NEK10: variants seen among roughly 807,000 people sequenced by gnomAD.
The protein encoded by NEK10 is serine/threonine-protein kinase Nek10.
In NEK10, 122 loss-of-function variants were observed where a neutral mutation model predicts 159.8. That is an observed-to-expected ratio of 0.76 (90% CI 0.66 to 0.89). NEK10 has a LOEUF of 0.89. Ranked by LOEUF, NEK10 falls within the 40% of genes least tolerant of loss-of-function variation. NEK10 has a pLI of 0.00. For missense variants in NEK10, 1,342 were observed against 1,323.1 expected (o/e 1.01, Z -0.22); for synonymous variants, 466 against 457.1 (o/e 1.02, Z -0.25).
chr3:27,116,775 T>C lies in NEK10; in HGVS notation c.3191-648A>G, dbSNP rs940092229. On this transcript the variant is annotated intron_variant, in intron 33 of 35. Transcript: ENST00000691995. ...ACAGCCTTCCAACGTCTGTACATTA[T>C]AAGCATGTGCCACCATGGCTGGCCA... Among the ~76,000 whole-genome samples the C allele has an allele frequency of 2.0e-5, 3 of 152,106 alleles. No individual in the cohort carries two copies. The East Asian group carries it at 5.8e-4, about 29-fold the overall frequency.
intron 5 of NEK10, among the ~76,000 whole-genome samples, chr3:27,325,745 T>G (rs2045957134): frequency 6.6e-6 from 1 of 152,060 alleles, no homozygotes; most frequent in Non-Finnish European, 1.5e-5. Flanking sequence ...TACTCCTGAG[T>G]GCTCATTATA....
chr3:27,256,056 A>G (rs1404624543), intron 23 of NEK10, among the ~76,000 whole-genome samples: 1 of 152,218 alleles, frequency 6.6e-6, no homozygotes, highest in Admixed American at 6.5e-5. Context: ...TTTACAATTG[A>G]TATAAGTAAT....
rs1210259445 is a variant in NEK10 at position 27,326,320 on chromosome 3, A to G, written c.363-4059T>C. ...AGATACTACATCCCAAAGATCTAACAGAAGTAATGATCAGGTTGCAACAGC... is the reference window on the plus strand; with the variant it reads ...AGATACTACATCCCAAAGATCTAACGGAAGTAATGATCAGGTTGCAACAGC... On this transcript the variant is annotated intron_variant, in intron 5 of 35. Coordinates refer to ENST00000691995, the MANE Select transcript of NEK10 (RefSeq NM_001394966.1). Among the ~76,000 whole-genome samples, 3 of 152,204 alleles carry G rather than the reference A, an allele frequency of 2.0e-5. No individual in the cohort carries two copies. The East Asian group carries it at 5.8e-4, about 29-fold the overall frequency.
intron 6 of NEK10, among the ~76,000 whole-genome samples, chr3:27,315,887 G>A (rs1287620004): frequency 2.0e-5 from 3 of 152,232 alleles, no homozygotes; most frequent in Non-Finnish European, 4.4e-5. Flanking sequence ...ATGGGGACTG[G>A]AAGGATGGAT....
At chr3:27,231,390 A>G (rs1953249177) in intron 23 of NEK10, among the ~76,000 whole-genome samples, 1 of 152,072 alleles carries the variant, frequency 6.6e-6, no homozygotes, top group African/African-American at 2.4e-5. Context: ...CCTATATCAA[A>G]AAGTCTGAAA....
intron 5 of NEK10, among the ~76,000 whole-genome samples, chr3:27,337,929 C>A (rs921104617): frequency 3.3e-5 from 5 of 151,960 alleles, no homozygotes; most frequent in African/African-American, 1.2e-4. Flanking sequence ...GTTTTGATTG[C>A]TAGTTTTTAA....
intron 22 of NEK10, among the ~76,000 whole-genome samples, chr3:27,265,890 T>C (rs1188585086): frequency 6.7e-6 from 1 of 150,074 alleles, no homozygotes; most frequent in African/African-American, 2.5e-5. Flanking sequence ...TACTGCAAGC[T>C]CCGCCTCCTG....
intron 23 of NEK10, among the ~76,000 whole-genome samples, chr3:27,229,824 G>T (rs1368685706): frequency 6.6e-6 from 1 of 151,740 alleles, no homozygotes; most frequent in Non-Finnish European, 1.5e-5. Context: ...CAAAGATAAA[G>T]AAAAAAGACT....
chr3:27,226,831 C>T (rs1026289468), intron 23 of NEK10, among the ~76,000 whole-genome samples: 1 of 152,074 alleles, frequency 6.6e-6, no homozygotes, highest in African/African-American at 2.4e-5. Context: ...ATCAGTTATA[C>T]CACAAAATAA....
intron 23 of NEK10, among the ~76,000 whole-genome samples, chr3:27,228,602 T>G (rs1952884303): frequency 6.6e-6 from 1 of 152,116 alleles, no homozygotes; most frequent in Non-Finnish European, 1.5e-5. Flanking sequence ...CAGGAGCTAG[T>G]GGGAGCAGGT....
chr3:27,192,919 A>G (rs939707700), intron 25 of NEK10, among the ~76,000 whole-genome samples: 1 of 152,178 alleles, frequency 6.6e-6, no homozygotes, highest in African/African-American at 2.4e-5. Context: ...ATAACTCAGC[A>G]TGCAGGCTCT....
chr3:27,183,111 T>C (rs1341842166), intron 26 of NEK10, among the ~76,000 whole-genome samples: 2 of 152,036 alleles, frequency 1.3e-5, no homozygotes, highest in Non-Finnish European at 2.9e-5. Context: ...TGATAAATGT[T>C]GGAGGTGGCT....
At position 27,314,312 on chromosome 3, in the gene NEK10, A is replaced by C. The variant is rs2044974104; in HGVS notation, c.474T>G (p.Ile158Met). The change falls in exon 7 of 36, where the codon ATT becomes ATG. Residue 158 changes from isoleucine (I) to methionine (M), a missense_variant. Ile to Met is a conservative substitution (Grantham distance 10, BLOSUM62 1). Coordinates refer to ENST00000691995, the MANE Select transcript of NEK10 (RefSeq NM_001394966.1). ...YQEILHSLGG[I>M]ENLAQYMEIV... ...GGAATCTTACCTGAGCTAGGTTTTC[A>C]ATCCCACCCAAGCTATGGAGTATTT... 4 of 1,603,080 alleles carry C rather than the reference A, an allele frequency of 2.5e-6. No individual in the cohort carries two copies. The highest frequency in any genetic ancestry group is 3.4e-6 in the Non-Finnish European group (4 of 1,173,490).
intron 32 of NEK10, among the ~76,000 whole-genome samples, chr3:27,121,155 CATA>C (rs1485253232): frequency 6.6e-6 from 1 of 151,882 alleles, no homozygotes; most frequent in African/African-American, 2.4e-5. Context: ...ATCTTTTTTT[CATA>C]ATAACTAAAA....
chr3:27,238,894 T>G (rs1006412201), intron 23 of NEK10, among the ~76,000 whole-genome samples: 4 of 152,022 alleles, frequency 2.6e-5, no homozygotes, highest in Non-Finnish European at 2.9e-5. Context: ...CAGAATTTTC[T>G]GGGGTTTAAA....
chr3:27,248,762 T>C (rs770969940), intron 23 of NEK10, among the ~76,000 whole-genome samples: 4 of 152,188 alleles, frequency 2.6e-5, no homozygotes, highest in Non-Finnish European at 5.9e-5. Context: ...TTAAGACTTG[T>C]TTTGTGACCT....
At chr3:27,300,323 T>C (rs555777952) in intron 13 of NEK10, among the ~76,000 whole-genome samples, 1 of 152,244 alleles carries the variant, frequency 6.6e-6, no homozygotes, top group Admixed American at 6.5e-5. Flanking sequence ...ACAAGCCCTC[T>C]CTTGCCTGCC....
chr3:27,157,315 A>T (rs927046529), intron 30 of NEK10, among the ~76,000 whole-genome samples: 3 of 152,142 alleles, frequency 2.0e-5, no homozygotes, highest in South Asian at 2.1e-4. Context: ...AAAGAAATTT[A>T]AAAAATTTAA....
chr3:27,327,886 A>G (rs1430315353), intron 5 of NEK10, among the ~76,000 whole-genome samples: 1 of 152,136 alleles, frequency 6.6e-6, no homozygotes, highest in Non-Finnish European at 1.5e-5. Flanking sequence ...GACAGAGTCC[A>G]ATTTTTTTGG....
Sources: gnomAD v4.1 joint callset for allele counts (sites outside exome capture counted in the v4.1 genomes callset) on GRCh38, gnomAD v4.1.1 for gene constraint, MANE v1.5 for transcripts, NCBI Gene and HGNC (gene_info 2026-07-23, HGNC 2026-07-21) for gene names.